CAPN9: variants seen among roughly 807,000 people sequenced by gnomAD.
CAPN9 encodes calpain 9.
Under a neutral mutation model 92.8 loss-of-function variants are expected in CAPN9, and 81 were observed. That is an observed-to-expected ratio of 0.87 (90% CI 0.73 to 1.05). The LOEUF (loss-of-function observed/expected upper bound fraction) is 1.05, where lower values mean the gene tolerates loss of function less well. Ranked by LOEUF, CAPN9 falls within the 50% of genes least tolerant of loss-of-function variation. The probability of loss-of-function intolerance (pLI) is 0.00; values close to 1 mark genes in which losing one functional copy is unlikely to be tolerated. For synonymous variants in CAPN9, 304 were observed against 328.0 expected (o/e 0.93, Z 0.79); for missense variants, 848 against 866.2 (o/e 0.98, Z 0.26).
At chr1:230,785,358 A>G (rs1031251658) in intron 11 of CAPN9, among the ~76,000 whole-genome samples, 1 of 152,230 alleles carries the variant, frequency 6.6e-6, no homozygotes, top group African/African-American at 2.4e-5. Flanking sequence ...GGCCCATAGC[A>G]GAATGATAGA....
intron 1 of CAPN9, among the ~76,000 whole-genome samples, chr1:230,750,294 A>G (rs187121317): frequency 4.9e-4 from 74 of 152,066 alleles, no homozygotes; most frequent in Admixed American, 1.0e-3. Context: ...CCCTTTATTG[A>G]TCTTAACCCA....
Position 230,785,961 on chromosome 1 carries a change from G to A in CAPN9, c.1482-20G>A. On this transcript the variant is annotated intron_variant, in intron 11 of 19. Transcript: ENST00000271971. ...GAAGTTAATCCACAATTGAGGCAGT[G>A]TGTTTTTCTGCCCCTACAGGGATAT... 1 of 1,612,438 alleles carries A rather than the reference G, an allele frequency of 6.2e-7. No homozygotes were observed. Among genetic ancestry groups the A allele is most frequent in the Non-Finnish European group, 8.5e-7 (1 of 1,178,480 alleles).
Position 230,754,676 on chromosome 1 carries a change from G to A in CAPN9, c.214-661G>A, listed in dbSNP as rs906778117. ...AAAAAAAATTAAAAAGTGGCTGGGC[G>A]TGGTGACTCACGTCTGTAGTCCCAG... On this transcript the variant is annotated intron_variant, in intron 1 of 19. Coordinates refer to ENST00000271971, the MANE Select transcript of CAPN9 (RefSeq NM_006615.3). 1.1e-3 allele frequency among the ~76,000 whole-genome samples: 166 copies of A among 151,894 alleles called. 1 individual carries two copies. Among genetic ancestry groups the A allele is most frequent in the African/African-American group, 3.5e-3 (145 of 41,394 alleles).
intron 2 of CAPN9, 107 bp downstream of exon 2, chr1:230,755,513 G>C (rs1020605838): frequency 2.6e-6 from 2 of 767,570 alleles, no homozygotes; most frequent in African/African-American, 3.6e-5. Flanking sequence ...GGGGCTGGGG[G>C]AACAACACTG....
chr1:230,789,336 G>A (rs1017764229), intron 13 of CAPN9, among the ~76,000 whole-genome samples: 2 of 152,072 alleles, frequency 1.3e-5, no homozygotes, highest in African/African-American at 4.8e-5. Flanking sequence ...AGCCCAGCAT[G>A]GTGGTGCATG....
chr1:230,767,663 T>C lies in CAPN9; in HGVS notation c.659T>C (p.Leu220Pro), dbSNP rs758439855. 5.6e-6 allele frequency: 9 copies of C among 1,613,502 alleles called. No individual in the cohort carries two copies. In the East Asian group the frequency reaches 2.0e-4, roughly 36 times the overall value. Residue 220 changes from leucine to proline, a missense_variant, in exon 5 of 20, where the codon CTA (leucine) becomes CCA (proline). Coordinates refer to ENST00000271971, the MANE Select transcript of CAPN9 (RefSeq NM_006615.3). The stretch of plus-strand genomic sequence containing the variant: ...GCCCCCGAGAACTTCTATGAGATTC[T>C]AGAGAAGGCTTTGAAGAGAGGCTCC... ...KEAPENFYEI[L>P]EKALKRGSLL...
At chr1:230,766,630 A>G (rs1357802835) in intron 4 of CAPN9, among the ~76,000 whole-genome samples, 1 of 152,250 alleles carries the variant, frequency 6.6e-6, no homozygotes, top group Non-Finnish European at 1.5e-5. Flanking sequence ...CTGGAACAGA[A>G]AAAGGACATT....
rs1667016217 is a variant in CAPN9 at position 230,778,923 on chromosome 1, T to A, written c.954-50T>A. 3.3e-6 allele frequency: 5 copies of A among 1,497,372 alleles called. No homozygotes were observed. The East Asian group carries it at 1.1e-4, about 34-fold the overall frequency. 92.8% of individuals were successfully genotyped at this position (1,497,372 alleles called of 1,614,324 possible). ...ATTTAATGAATGAGTGAATGGATGA[T>A]GCCCTCACTCTTGCCCTCCTGTGCA... is the stretch of plus-strand genomic sequence containing the variant. On this transcript the variant is annotated intron_variant, in intron 8 of 19. Transcript: ENST00000271971.
At chr1:230,782,139 CAG>C (rs1156497597) in intron 11 of CAPN9, among the ~76,000 whole-genome samples, 1 of 152,172 alleles carries the variant, frequency 6.6e-6, no homozygotes, top group Non-Finnish European at 1.5e-5. Context: ...GGGGTGAGCT[CAG>C]AGTCACTGAC....
At chr1:230,780,446 G>A (rs759590933) in intron 10 of CAPN9, 54 bp from the exon 11 acceptor site, 39 of 1,604,970 alleles carry the variant, frequency 2.4e-5, no homozygotes, top group African/African-American at 4.0e-5. Flanking sequence ...AATTGTGTCC[G>A]AAAAGCCAAG....
At chr1:230,796,465 CTAAT>C (rs1228654010) in intron 18 of CAPN9, among the ~76,000 whole-genome samples, 4 of 152,168 alleles carry the variant, frequency 2.6e-5, no homozygotes, top group African/African-American at 9.7e-5. Context: ...TAATAGAACA[CTAAT>C]TACTTGCCTG....
At chr1:230,798,088 T>C (rs1350854560) in intron 18 of CAPN9, 74 bp from the exon 19 acceptor site, 6 of 1,142,882 alleles carry the variant, frequency 5.2e-6, no homozygotes, top group Admixed American at 1.7e-5. Context: ...TGGAAGGCCC[T>C]TTGGTCGCTG....
chr1:230,775,455 G>A (rs956521614), intron 8 of CAPN9, among the ~76,000 whole-genome samples: 101 of 152,188 alleles, frequency 6.6e-4, no homozygotes, highest in African/African-American at 2.4e-3. Flanking sequence ...TTTGTATTGG[G>A]CCTTCATCTC....
intron 19 of CAPN9, among the ~76,000 whole-genome samples, chr1:230,799,207 T>C (rs1350968741): frequency 1.3e-5 from 2 of 152,194 alleles, no homozygotes; most frequent in Non-Finnish European, 2.9e-5. Context: ...TAACATTTAA[T>C]TGAATATTTC....
intron 5 of CAPN9, among the ~76,000 whole-genome samples, chr1:230,768,511 A>G (rs1245665030): frequency 6.6e-6 from 1 of 150,832 alleles, no homozygotes; most frequent in Non-Finnish European, 1.5e-5. Context: ...ATTTTACTGA[A>G]ACGGGATCTT....
chr1:230,799,445 C>G (rs1367488987), intron 19 of CAPN9, among the ~76,000 whole-genome samples: 3 of 152,170 alleles, frequency 2.0e-5, no homozygotes, highest in Admixed American at 1.3e-4. Context: ...TCTCAGATCC[C>G]TGGACGCATT....
At chr1:230,786,281 C>A in intron 12 of CAPN9, 1 of 425,722 alleles carries the variant, frequency 2.3e-6, no homozygotes, top group Non-Finnish European at 3.1e-6. Context: ...GTGCTACTGT[C>A]AACTGAAATA....
chr1:230,755,867 G>A (rs1309749325), intron 2 of CAPN9, among the ~76,000 whole-genome samples: 1 of 152,136 alleles, frequency 6.6e-6, no homozygotes, highest in Non-Finnish European at 1.5e-5. Flanking sequence ...AGGCAATCAG[G>A]ATTTGAACCC....
chr1:230,783,023 AT>A (rs1168655645), intron 11 of CAPN9, among the ~76,000 whole-genome samples: 4 of 151,906 alleles, frequency 2.6e-5, no homozygotes, highest in Non-Finnish European at 4.4e-5. Context: ...TCTAAAAAAA[AT>A]GGTGGTTTTT....
Sources: allele counts gnomAD v4.1 joint callset (sites outside exome capture counted in the v4.1 genomes callset), GRCh38; gene constraint gnomAD v4.1.1; transcripts MANE v1.5; gene names NCBI Gene and HGNC (gene_info 2026-07-23, HGNC 2026-07-21).